Variants in ABCB5 observed in about 807,000 individuals in gnomAD.
ABCB5 encodes the protein ATP-binding cassette sub-family B member 5.
A neutral mutation model predicts 144.2 loss-of-function variants in ABCB5; 155 were observed. The ratio of observed to expected loss-of-function variants is 1.08; its 90% CI spans 0.94 to 1.23. ABCB5 has a LOEUF of 1.23. ABCB5 is among the 50% of genes most tolerant of loss of function. The probability of loss-of-function intolerance (pLI) is 0.00; values close to 1 mark genes in which losing one functional copy is unlikely to be tolerated. For missense variants in ABCB5, 1,830 were observed against 1,520.8 expected (o/e 1.20, Z -3.38); for synonymous variants, 610 against 528.6 (o/e 1.15, Z -2.11).
intron 26 of ABCB5, among the ~76,000 whole-genome samples, chr7:20,746,690 T>G (rs1782733986): frequency 6.6e-6 from 1 of 152,190 alleles, no homozygotes. Flanking sequence ...CCTTTGGTAG[T>G]GCAAGCATTG....
chr7:20,738,915 C>T (rs1782472276), intron 23 of ABCB5, 68 bp from the exon 24 acceptor site: 4 of 1,457,408 alleles, frequency 2.7e-6, no homozygotes, highest in Admixed American at 2.5e-5. Flanking sequence ...TTTTTCTTTA[C>T]TTTTAGAGTT....
chr7:20,669,929 G>C lies in ABCB5; in HGVS notation c.1707+11253G>C, dbSNP rs561379941. On this transcript the variant is annotated intron_variant, in intron 14 of 27. Transcript: ENST00000404938. The stretch of plus-strand genomic sequence containing the variant: ...CTGTAGGCAAGTCCCAGGTCTCCAA[G>C]ACCCAGAATAGAATTCAAACTTGAA... 1.4e-4 allele frequency among the ~76,000 whole-genome samples: 22 copies of C among 152,288 alleles called. No individual in the cohort carries two copies. The South Asian group carries it at 3.3e-3, about 23-fold the overall frequency.
intron 14 of ABCB5, among the ~76,000 whole-genome samples, chr7:20,661,440 C>A (rs1045959096): frequency 1.3e-4 from 20 of 152,138 alleles, no homozygotes; most frequent in African/African-American, 4.3e-4. Flanking sequence ...TGGCCCTTAA[C>A]AAACAGCCAA....
intron 19 of ABCB5, among the ~76,000 whole-genome samples, chr7:20,704,093 T>A (rs1291321664): frequency 2.1e-5 from 3 of 145,580 alleles, no homozygotes; most frequent in South Asian, 4.5e-4. Flanking sequence ...TTTTTTTTTG[T>A]GAGACAGGGT....
intron 14 of ABCB5, among the ~76,000 whole-genome samples, chr7:20,680,759 T>C (rs942361745): frequency 1.1e-4 from 16 of 152,162 alleles, no homozygotes; most frequent in African/African-American, 3.4e-4. Context: ...TAAAAATATA[T>C]ATTACTTTTA....
At chr7:20,672,229 T>G (rs1436745062) in intron 14 of ABCB5, among the ~76,000 whole-genome samples, 1 of 152,190 alleles carries the variant, frequency 6.6e-6, no homozygotes, top group Non-Finnish European at 1.5e-5. Flanking sequence ...GATGTAGGAT[T>G]AGAAAATATT....
At chr7:20,652,564 T>TA (rs1390984126) in intron 13 of ABCB5, among the ~76,000 whole-genome samples, 1 of 146,536 alleles carries the variant, frequency 6.8e-6, no homozygotes, top group Admixed American at 6.7e-5. Flanking sequence ...AGTGAGACTT[T>TA]ATGGGAAAAA....
chr7:20,733,230 A>G (rs1782279076), intron 23 of ABCB5, among the ~76,000 whole-genome samples: 1 of 152,082 alleles, frequency 6.6e-6, no homozygotes, highest in Non-Finnish European at 1.5e-5. Context: ...CCAAACATTC[A>G]TAGAATATTT....
In ABCB5 at chr7:20,639,814, A is replaced by G. The variant is rs1391283246; in HGVS notation, c.315-3370A>G. Among the ~76,000 whole-genome samples, 4 of 152,330 alleles carry G rather than the reference A, an allele frequency of 2.6e-5. No homozygotes were observed. In the East Asian group the frequency reaches 5.8e-4, roughly 22 times the overall value. The stretch of plus-strand genomic sequence containing the variant: ...TCCAAATTTGTTCTTCTTTTTAAAA[A>G]TTACTTTGGCTATTCTGAGTTCTCT... On this transcript the variant is annotated intron_variant, in intron 5 of 27. Coordinates refer to ENST00000404938, the MANE Select transcript of ABCB5 (RefSeq NM_001163941.2).
intron 20 of ABCB5, among the ~76,000 whole-genome samples, chr7:20,719,046 A>C (rs932729128): frequency 1.3e-5 from 2 of 152,216 alleles, no homozygotes; most frequent in African/African-American, 4.8e-5. Context: ...TGTACAAGGA[A>C]TAAATCAGGA....
At chr7:20,662,613 G>A (rs775154323) in intron 14 of ABCB5, among the ~76,000 whole-genome samples, 9 of 152,130 alleles carry the variant, frequency 5.9e-5, no homozygotes, top group Non-Finnish European at 1.3e-4. Flanking sequence ...TTTCTCCAAG[G>A]GAATTTCCTT....
chr7:20,702,254 A>G (rs1786653935), intron 19 of ABCB5, among the ~76,000 whole-genome samples: 1 of 152,194 alleles, frequency 6.6e-6, no homozygotes, highest in South Asian at 2.1e-4. Flanking sequence ...CTATAGAGCT[A>G]TTGAGTTTTT....
chr7:20,623,126 G>T, intron 1 of ABCB5, 139 bp from the exon 2 acceptor site: 1 of 586,286 alleles, frequency 1.7e-6, no homozygotes, highest in Non-Finnish European at 3.0e-6. Context: ...TTCAATTGGA[G>T]TGGGGGGCTG....
At position 20,626,635 on chromosome 7, in the gene ABCB5, A is replaced by T. The variant is rs750803775; in HGVS notation, c.108+24A>T. On this transcript the variant is annotated intron_variant, in intron 3 of 27. Transcript: ENST00000404938. ...TAGTAAGTGAAATCAGTTAGAAAGT[A>T]CATGCATTAGAAGATTTTAGAGACT... is the stretch of plus-strand genomic sequence containing the variant. 1.9e-6 allele frequency: 3 copies of T among 1,583,780 alleles called. No individual in the cohort carries two copies. The South Asian group carries it at 3.5e-5, about 18-fold the overall frequency.
intron 14 of ABCB5, among the ~76,000 whole-genome samples, chr7:20,662,492 C>G (rs1785033578): frequency 6.6e-6 from 1 of 152,186 alleles, no homozygotes; most frequent in Non-Finnish European, 1.5e-5. Flanking sequence ...CACACACACA[C>G]TAATGCACAC....
chr7:20,751,186 C>G (rs1782916847), intron 26 of ABCB5, among the ~76,000 whole-genome samples: 1 of 152,192 alleles, frequency 6.6e-6, no homozygotes, highest in Admixed American at 6.5e-5. Context: ...TTTCGGGGCA[C>G]TCACCATCCC....
At chr7:20,633,014 TAATAAATA>T (rs566634496) in intron 5 of ABCB5, among the ~76,000 whole-genome samples, 1 of 151,080 alleles carries the variant, frequency 6.6e-6, no homozygotes, top group African/African-American at 2.4e-5. Flanking sequence ...AGTATAATAA[TAATAAATA>T]AATAAATAAA....
intron 16 of ABCB5, among the ~76,000 whole-genome samples, chr7:20,688,976 G>A (rs996771258): frequency 1.3e-5 from 2 of 151,596 alleles, no homozygotes; most frequent in African/African-American, 4.8e-5. Context: ...GTGGGGTGGG[G>A]AGAGGGGGGA....
intron 12 of ABCB5, among the ~76,000 whole-genome samples, chr7:20,651,161 C>A (rs1407043502): frequency 6.6e-6 from 1 of 152,074 alleles, no homozygotes; most frequent in African/African-American, 2.4e-5. Flanking sequence ...TAATATCTAA[C>A]TTGTGGATCT....
Sources: allele counts gnomAD v4.1 joint callset (sites outside exome capture counted in the v4.1 genomes callset), GRCh38; gene constraint gnomAD v4.1.1; transcripts MANE v1.5; gene names NCBI Gene and HGNC (gene_info 2026-07-23, HGNC 2026-07-21).